Variants in ASAP1 observed in about 807,000 individuals in gnomAD.
The protein encoded by ASAP1 is ArfGAP with SH3 domain, ankyrin repeat and PH domain 1.
Under a neutral mutation model 145.2 loss-of-function variants are expected in ASAP1, and 43 were observed. The ratio of observed to expected loss-of-function variants is 0.30; its 90% confidence interval spans 0.23 to 0.38. The LOEUF (loss-of-function observed/expected upper bound fraction) is 0.38, where lower values mean the gene tolerates loss of function less well. ASAP1 is among the 10% of genes least tolerant of loss of function. ASAP1 has a pLI of 1.00. For synonymous variants in ASAP1, 546 were observed against 515.5 expected (o/e 1.06, Z -0.80); for missense variants, 1,018 against 1,355.3 (o/e 0.75, Z 3.91).
intron 3 of ASAP1, among the ~76,000 whole-genome samples, chr8:130,299,825 T>C (rs1822514059): frequency 1.3e-5 from 2 of 152,100 alleles, no homozygotes; most frequent in Admixed American, 1.3e-4. Context: ...AAACATTACA[T>C]TTCAAGATCA....
At chr8:130,288,372 T>C (rs540122324) in intron 3 of ASAP1, among the ~76,000 whole-genome samples, 36 of 152,240 alleles carry the variant, frequency 2.4e-4, no homozygotes, top group East Asian at 1.4e-3. Flanking sequence ...AAAAATTCCT[T>C]GTTGAAACAA....
At chr8:130,296,196 C>A (rs1404825799) in intron 3 of ASAP1, among the ~76,000 whole-genome samples, 1 of 152,196 alleles carries the variant, frequency 6.6e-6, no homozygotes, top group Non-Finnish European at 1.5e-5. Flanking sequence ...AGGGTACTAG[C>A]TTCTGAAAGG....
At position 130,151,111 on chromosome 8, in the gene ASAP1, G is replaced by A. The variant is rs555720964; in HGVS notation, c.1080+1625C>T. On this transcript the variant is annotated intron_variant, in intron 13 of 29. Coordinates refer to ENST00000518721, the MANE Select transcript of ASAP1 (RefSeq NM_018482.4). ...AGAAGGGCCAGGCGTGCAGGCTCAC[G>A]CCTGTAATCCCAGCACTTTGGGAGG... Among the ~76,000 whole-genome samples the A allele has an allele frequency of 5.9e-5, 9 of 152,150 alleles. 1 individual carries two copies. In the South Asian group the frequency reaches 1.2e-3, roughly 21 times the overall value.
intron 24 of ASAP1, among the ~76,000 whole-genome samples, chr8:130,105,959 C>T (rs1592811630): frequency 6.6e-6 from 1 of 152,310 alleles, no homozygotes; most frequent in African/African-American, 2.4e-5. Flanking sequence ...GATTCTTTAA[C>T]AATTAACTCA....
In ASAP1 at chr8:130,072,824, T is replaced by TGTGCGCGCGCGCGCGCGC; in HGVS notation, c.2701+3523_2701+3524insGCGCGCGCGCGCGCGCAC. On this transcript the variant is annotated intron_variant, in intron 27 of 29. Coordinates refer to ENST00000518721, the MANE Select transcript of ASAP1 (RefSeq NM_018482.4). ...GTGTGTGTGTGTGTGTGTGTGTGTG[T>TGTGCGCGCGCGCGCGCGC]GCGCGCGGGGGGGGGCAGTTTTGGG... 5.1e-3 allele frequency among the ~76,000 whole-genome samples: 165 copies of TGTGCGCGCGCGCGCGCGC among 32,278 alleles called. 5 individuals carry two copies. Among genetic ancestry groups the TGTGCGCGCGCGCGCGCGC allele is most frequent in the Admixed American group, 0.023 (64 of 2,784 alleles). The allele number at this position is 32,278 out of a possible 152,430, so 21.2% of individuals were successfully genotyped here.
intron 9 of ASAP1, among the ~76,000 whole-genome samples, chr8:130,173,004 T>A (rs1224054803): frequency 6.6e-6 from 1 of 152,252 alleles, no homozygotes; most frequent in African/African-American, 2.4e-5. Context: ...AGTAATCATC[T>A]AAGTGAGGAG....
At chr8:130,431,047 G>A (rs1830118144) in intron 1 of ASAP1, among the ~76,000 whole-genome samples, 2 of 152,164 alleles carry the variant, frequency 1.3e-5, no homozygotes, top group Non-Finnish European at 2.9e-5. Flanking sequence ...AGGAGGCTGA[G>A]GAGGTGACAA....
chr8:130,168,553 G>C (rs1006379605), intron 10 of ASAP1, among the ~76,000 whole-genome samples: 2 of 152,114 alleles, frequency 1.3e-5, no homozygotes, highest in African/African-American at 2.4e-5. Context: ...TCGTGCCACT[G>C]TACTCCAGCC....
intron 25 of ASAP1, among the ~76,000 whole-genome samples, chr8:130,091,697 G>GA (rs1387119432): frequency 6.6e-6 from 1 of 152,216 alleles, no homozygotes; most frequent in Non-Finnish European, 1.5e-5. Flanking sequence ...ATATATAAAC[G>GA]AGACTAATAA....
Position 130,125,942 on chromosome 8 carries a change from A to G in ASAP1, c.1515+14T>C, listed in dbSNP as rs977273671. On this transcript the variant is annotated intron_variant, in intron 17 of 29. Coordinates refer to ENST00000518721, the MANE Select transcript of ASAP1 (RefSeq NM_018482.4). Reference sequence around the variant, plus strand: ...CAATAATATCATTCTTCCCAAGTACAGGTCACTACTTACCAAGAGTTCAGA... The same window carrying G: ...CAATAATATCATTCTTCCCAAGTACGGGTCACTACTTACCAAGAGTTCAGA... 9 of 1,596,162 alleles carry G rather than the reference A, an allele frequency of 5.6e-6. No individual in the cohort carries two copies. The African/African-American group carries it at 8.1e-5, about 14-fold the overall frequency.
chr8:130,253,888 G>C (rs1201487360), intron 3 of ASAP1, among the ~76,000 whole-genome samples: 2 of 152,154 alleles, frequency 1.3e-5, no homozygotes, highest in Non-Finnish European at 2.9e-5. Context: ...AGCCGTGGCG[G>C]TGGGAGCCTG....
intron 27 of ASAP1, among the ~76,000 whole-genome samples, chr8:130,073,529 C>T (rs1266004643): frequency 1.3e-5 from 2 of 152,124 alleles, no homozygotes; most frequent in African/African-American, 4.8e-5. Flanking sequence ...GCTCAACATG[C>T]TGAGGTGGAG....
chr8:130,370,164 T>C (rs543943771), intron 2 of ASAP1, among the ~76,000 whole-genome samples: 108 of 152,184 alleles, frequency 7.1e-4, no homozygotes, highest in African/African-American at 2.5e-3. Flanking sequence ...TACCCAAGCA[T>C]GGTGGCGCAC....
At chr8:130,314,420 T>C (rs1380390401) in intron 3 of ASAP1, among the ~76,000 whole-genome samples, 1 of 152,238 alleles carries the variant, frequency 6.6e-6, no homozygotes, top group African/African-American at 2.4e-5. Context: ...GGTATCATCA[T>C]GCCCATGTTA....
In ASAP1 at chr8:130,373,109, T is replaced by TACACACACAC. The variant is rs147535116; in HGVS notation, c.60-14967_60-14966insGTGTGTGTGT. Among the ~76,000 whole-genome samples the TACACACACAC allele has an allele frequency of 3.1e-4, 40 of 127,680 alleles. 2 individuals carry two copies. The highest frequency in any genetic ancestry group is 5.4e-4 in the African/African-American group (18 of 33,242). 83.8% of individuals were successfully genotyped at this position (127,680 alleles called of 152,430 possible). A position where few individuals can be genotyped will look rare whatever the true frequency, so the allele number is the denominator to read the frequency against. ...ACCCCCCCACACACACAGAAATACA[T>TACACACACAC]ATACACACACACACACACACACACA... On this transcript the variant is annotated intron_variant, in intron 2 of 29. Coordinates refer to ENST00000518721, the MANE Select transcript of ASAP1 (RefSeq NM_018482.4).
At chr8:130,432,299 AGCCAT>A (rs1830166035) in intron 1 of ASAP1, among the ~76,000 whole-genome samples, 1 of 152,088 alleles carries the variant, frequency 6.6e-6, no homozygotes, top group Admixed American at 6.5e-5. Context: ...GGTGCACCTG[AGCCAT>A]GCTTTAAATA....
chr8:130,254,889 A>G (rs1053436755), intron 3 of ASAP1, among the ~76,000 whole-genome samples: 1 of 152,152 alleles, frequency 6.6e-6, no homozygotes, highest in Non-Finnish European at 1.5e-5. Context: ...GCATCAAATG[A>G]TATTACCATT....
At chr8:130,373,915 A>T (rs1827352548) in intron 2 of ASAP1, among the ~76,000 whole-genome samples, 1 of 151,270 alleles carries the variant, frequency 6.6e-6, no homozygotes, top group Non-Finnish European at 1.5e-5. Context: ...ATGATGCTAT[A>T]TTCAAGATAC....
At chr8:130,278,088 C>G (rs998650932) in intron 3 of ASAP1, among the ~76,000 whole-genome samples, 16 of 150,082 alleles carry the variant, frequency 1.1e-4, no homozygotes, top group Admixed American at 5.3e-4. Flanking sequence ...AAAAAAAAAT[C>G]AAAGGGCCTT....
Sources: gnomAD v4.1 joint callset for allele counts (sites outside exome capture counted in the v4.1 genomes callset) on GRCh38, gnomAD v4.1.1 for gene constraint, MANE v1.5 for transcripts, NCBI Gene and HGNC (gene_info 2026-07-23, HGNC 2026-07-21) for gene names.